Variants in CHL1 observed in about 807,000 individuals in gnomAD.
The protein encoded by CHL1 is neural cell adhesion molecule L1-like protein.
Under a neutral mutation model 141.9 loss-of-function variants are expected in CHL1, and 96 were observed. The ratio of observed to expected loss-of-function variants is 0.68; its 90% CI spans 0.57 to 0.80. CHL1 has a LOEUF of 0.80. Ranked by LOEUF, CHL1 falls within the 30% of genes least tolerant of loss-of-function variation. The pLI, the probability that CHL1 is intolerant of heterozygous loss-of-function variation, is 0.00. For synonymous variants in CHL1, 613 were observed against 502.2 expected, an observed-to-expected ratio of 1.22 and a Z score of -2.95; for missense variants, 1,820 against 1,457.2, an observed-to-expected ratio of 1.25 and a Z score of -4.05.
intron 15 of CHL1, among the ~76,000 whole-genome samples, chr3:376,685 A>T (rs993558305): frequency 2.6e-5 from 4 of 152,206 alleles, no homozygotes; most frequent in African/African-American, 7.2e-5. Flanking sequence ...ATATTCTTTC[A>T]TCTAAGAAGG....
intron 2 of CHL1, among the ~76,000 whole-genome samples, chr3:248,815 A>C (rs2125128742): frequency 6.6e-6 from 1 of 152,298 alleles, no homozygotes; most frequent in South Asian, 2.1e-4. Context: ...AGATACTGAA[A>C]CCCAGCAAAA....
chr3:335,549 T>C (rs867164954), intron 5 of CHL1, among the ~76,000 whole-genome samples: 1 of 152,190 alleles, frequency 6.6e-6, no homozygotes, highest in Non-Finnish European at 1.5e-5. Flanking sequence ...CTGTGAGCAA[T>C]TCGCCAAGCA....
intron 2 of CHL1, among the ~76,000 whole-genome samples, chr3:278,128 C>G (rs753305210): frequency 6.6e-6 from 1 of 152,182 alleles, no homozygotes; most frequent in Non-Finnish European, 1.5e-5. Flanking sequence ...AAATAGAATA[C>G]TGAATACTTT....
In CHL1 at chr3:389,481, G is replaced by A; in HGVS notation, c.2470+7G>A. On this transcript the variant is annotated splice_region_variant and intron_variant, in intron 20 of 27. Coordinates refer to ENST00000256509, the MANE Select transcript of CHL1 (RefSeq NM_006614.4). ...CTCTATTCTGGAGAAGACTGTAAGT[G>A]ATGCACCTAAAACTGCTAAGCACGT... 6.2e-7 allele frequency: 1 copy of A among 1,606,332 alleles called. No homozygotes were observed. Among genetic ancestry groups the A allele is most frequent in the Non-Finnish European group, 8.5e-7 (1 of 1,173,236 alleles).
At position 390,985 on chromosome 3, in the gene CHL1, G is replaced by A; in HGVS notation, c.2617G>A (p.Asp873Asn). 1 of 1,614,098 alleles carries A rather than the reference G, an allele frequency of 6.2e-7. No homozygotes were observed. The highest frequency in any genetic ancestry group is 1.3e-5 in the African/African-American group (1 of 75,036). ...INWWKTKSLLDGRTHPKEVNI... is the reference protein window; with the variant it reads ...INWWKTKSLLNGRTHPKEVNI... ...TTGGTGGAAAACAAAAAGTCTGTTG[G>A]ATGGAAGAACACATCCCAAAGAAGT... is the stretch of plus-strand genomic sequence containing the variant. The change falls in exon 22 of 28, where the codon GAT becomes AAT. Residue 873 changes from aspartate to asparagine, a missense_variant. Transcript: ENST00000256509.
intron 1 of CHL1, among the ~76,000 whole-genome samples, chr3:237,837 A>G (rs1394149691): frequency 3.3e-5 from 5 of 152,194 alleles, no homozygotes; most frequent in Admixed American, 3.3e-4. Flanking sequence ...GAGAGTCAAT[A>G]TCTGTGATTT....
chr3:204,472 G>A (rs908592695), intron 1 of CHL1, among the ~76,000 whole-genome samples: 1 of 152,184 alleles, frequency 6.6e-6, no homozygotes, highest in Admixed American at 6.5e-5. Context: ...CTTAATGTGA[G>A]GAATTTTTAT....
chr3:392,770 T>G (rs1708340406), intron 23 of CHL1, among the ~76,000 whole-genome samples: 1 of 152,246 alleles, frequency 6.6e-6, no homozygotes, highest in Non-Finnish European at 1.5e-5. Flanking sequence ...TCTGATGGTT[T>G]CTGCTGAAAT....
At chr3:206,252 G>A (rs977537500) in intron 1 of CHL1, among the ~76,000 whole-genome samples, 1 of 152,186 alleles carries the variant, frequency 6.6e-6, no homozygotes, top group Non-Finnish European at 1.5e-5. Flanking sequence ...TGGATCACTT[G>A]AGGTCAGGAG....
At chr3:343,496 T>C (rs912900858) in intron 8 of CHL1, among the ~76,000 whole-genome samples, 1 of 152,214 alleles carries the variant, frequency 6.6e-6, no homozygotes, top group African/African-American at 2.4e-5. Context: ...AAACAGTTTG[T>C]AGCATTTTTC....
chr3:206,426 A>G (rs928236387), intron 1 of CHL1, among the ~76,000 whole-genome samples: 3 of 151,922 alleles, frequency 2.0e-5, no homozygotes, highest in African/African-American at 7.3e-5. Flanking sequence ...AGATCGCACC[A>G]CTGCACTCCA....
At chr3:402,458 T>C (rs539933799) in intron 27 of CHL1, among the ~76,000 whole-genome samples, 3 of 152,354 alleles carry the variant, frequency 2.0e-5, no homozygotes, top group South Asian at 4.1e-4. Context: ...TAGTTCTTTT[T>C]TGTTGTAATG....
chr3:340,883 C>T lies in CHL1; in HGVS notation c.475C>T (p.Leu159Phe). Residue 159 changes from leucine (L) to phenylalanine (F), a missense_variant, in exon 6 of 28, where the codon CTC becomes TTC. By Grantham distance (22) the Leu-to-Phe change is conservative. Transcript: ENST00000256509. ...CCTCCCATGCAATCCTCCCAAAGGC[C>T]TCCCACCTTTACACATTTATTGGAT... Reference protein sequence around the residue: ...IVLPCNPPKGLPPLHIYWMNI... With the variant: ...IVLPCNPPKGFPPLHIYWMNI... The T allele has an allele frequency of 2.5e-6, 4 of 1,612,892 alleles. No homozygotes were observed. The highest frequency in any genetic ancestry group is 2.5e-6 in the Non-Finnish European group (3 of 1,179,048).
intron 9 of CHL1, among the ~76,000 whole-genome samples, chr3:348,720 A>T (rs1702975706): frequency 6.6e-6 from 1 of 152,164 alleles, no homozygotes; most frequent in African/African-American, 2.4e-5. Context: ...GCAAGGGAAG[A>T]TTTGGTTCAT....
intron 10 of CHL1, among the ~76,000 whole-genome samples, chr3:352,890 A>T (rs1703384358): frequency 1.3e-5 from 2 of 152,176 alleles, no homozygotes; most frequent in Admixed American, 1.3e-4. Context: ...CCTGTCTTTG[A>T]TACAAATTCA....
At chr3:337,213 C>T (rs1263633995) in intron 5 of CHL1, among the ~76,000 whole-genome samples, 41 of 100,998 alleles carry the variant, frequency 4.1e-4, no homozygotes, top group African/African-American at 7.5e-4. Context: ...TTTTTTGAGA[C>T]GGGGTCTTGC....
chr3:307,200 A>G (rs1699314259), intron 2 of CHL1, among the ~76,000 whole-genome samples: 1 of 152,204 alleles, frequency 6.6e-6, no homozygotes, highest in Non-Finnish European at 1.5e-5. Flanking sequence ...TAACCTAGCT[A>G]CCAGATGCTA....
chr3:344,841 C>A, intron 9 of CHL1, 132 bp downstream of exon 9: 4 of 840,462 alleles, frequency 4.8e-6, no homozygotes, highest in Non-Finnish European at 7.1e-6. Context: ...TTCTGCCGGG[C>A]ACTGCAGATA....
rs751926529 is a variant in CHL1 at position 405,692 on chromosome 3, C to A, written c.3656C>A (p.Thr1219Asn). ...GAAAGCAATGGAAGTTCTACAGCAA[C>A]TTTTCCCCTTCGGGCATAAACACAA... ...SVESNGSSTATFPLRA is the reference protein window; with the variant it reads ...SVESNGSSTANFPLRA Residue 1219 changes from threonine (T) to asparagine (N), a missense_variant, in exon 28 of 28, where the codon ACT becomes AAT. Thr to Asn is a moderately conservative substitution (Grantham distance 65, BLOSUM62 0). Coordinates refer to ENST00000256509, the MANE Select transcript of CHL1 (RefSeq NM_006614.4). The A allele has an allele frequency of 1.2e-6, 2 of 1,613,168 alleles. No homozygotes were observed. Among genetic ancestry groups the A allele is most frequent in the Admixed American group, 3.3e-5 (2 of 59,960 alleles).
Sources: allele counts gnomAD v4.1 joint callset (sites outside exome capture counted in the v4.1 genomes callset), GRCh38; gene constraint gnomAD v4.1.1; transcripts MANE v1.5; gene names NCBI Gene and HGNC (gene_info 2026-07-23, HGNC 2026-07-21).